DCAF4L1: variants seen among roughly 807,000 people sequenced by gnomAD.
DCAF4L1 encodes DDB1- and CUL4-associated factor 4-like protein 1.
Under a neutral mutation model 28.2 loss-of-function variants are expected in DCAF4L1, and 4 were observed. That is an observed-to-expected ratio of 0.14 (90% CI 0.07 to 0.33). The LOEUF is 0.33. DCAF4L1 is among the 10% of genes least tolerant of loss of function. The probability of loss-of-function intolerance (pLI) is 1.00; values close to 1 mark genes in which losing one functional copy is unlikely to be tolerated. For synonymous variants in DCAF4L1, 252 were observed against 212.1 expected, an observed-to-expected ratio of 1.19 and a Z score of -1.63; for missense variants, 331 against 506.1, an observed-to-expected ratio of 0.65 and a Z score of 3.32.
rs1194767733 is a variant in DCAF4L1 at position 41,986,411 on chromosome 4, C to T, written c.*3428C>T. On this transcript the variant is annotated 3_prime_UTR_variant, in exon 1 of 1. Transcript: ENST00000333141. ...TAGTGATAATTGTTAGAGCTATGCC[C>T]TTAATATATGTCTTGTGTGTATTAT... The T allele has an allele frequency of 6.0e-6, 1 of 166,952 alleles. No individual in the cohort carries two copies. Among genetic ancestry groups the T allele is most frequent in the African/African-American group, 2.4e-5 (1 of 41,422 alleles). 10.3% of individuals were successfully genotyped at this position (166,952 alleles called of 1,614,324 possible). A position where few individuals can be genotyped will look rare whatever the true frequency, so the allele number is the denominator to read the frequency against.
chr4:41,982,131 C>T lies in DCAF4L1; in HGVS notation c.339C>T (p.His113=), dbSNP rs777108280. Residue 113 remains histidine (H), a synonymous_variant, in exon 1 of 1, where the codon CAC becomes CAT. Coordinates refer to ENST00000333141, the MANE Select transcript of DCAF4L1 (RefSeq NM_001029955.4). This position sits in a 1 kb window ranked among gnomAD's most constrained non-coding sequence, Gnocchi z 4.4. The part of the protein sequence containing the change: ...SLRTLKIPSF[H]VYVLRNLYVP... ...GAACTCTGAAGATCCCTTCGTTCCA[C>T]GTGTACGTGCTCAGAAACCTCTACG... The T allele has an allele frequency of 6.2e-7, 1 of 1,614,218 alleles. No homozygotes were observed. The highest frequency in any genetic ancestry group is 2.2e-5 in the East Asian group (1 of 44,882).
At position 41,982,424 on chromosome 4, in the gene DCAF4L1, C is replaced by T. The variant is rs745550571; in HGVS notation, c.632C>T (p.Thr211Ile). 24 of 1,614,224 alleles carry T rather than the reference C, an allele frequency of 1.5e-5. No individual in the cohort carries two copies. The highest frequency in any genetic ancestry group is 4.4e-5 in the South Asian group (4 of 91,086). Residue 211 changes from threonine (T) to isoleucine (I), a missense_variant, in exon 1 of 1, where the codon ACC (threonine) becomes ATC (isoleucine). By Grantham distance (89) the Thr-to-Ile change is moderately conservative. Transcript: ENST00000333141. The surrounding 1 kb of genome is among the most constrained non-coding windows in gnomAD (Gnocchi z 4.4). ...SAGLSQQVLL[T>I]SVATGHQQSF... ...GGCTTGTCTCAGCAGGTCCTGTTGA[C>T]CAGCGTGGCGACGGGACACCAGCAG...
rs1253417345 is a variant in DCAF4L1 at position 41,982,432 on chromosome 4, G to C, written c.640G>C (p.Ala214Pro). The C allele has an allele frequency of 6.2e-7, 1 of 1,614,230 alleles. No individual in the cohort carries two copies. Among genetic ancestry groups the C allele is most frequent in the Admixed American group, 1.7e-5 (1 of 60,028 alleles). ...TCAGCAGGTCCTGTTGACCAGCGTG[G>C]CGACGGGACACCAGCAGTCATTTGA... The part of the protein sequence containing the change: ...LSQQVLLTSV[A>P]TGHQQSFDTS... The change falls in exon 1 of 1, where the codon GCG becomes CCG. Residue 214 changes from alanine to proline, a missense_variant. Coordinates refer to ENST00000333141, the MANE Select transcript of DCAF4L1 (RefSeq NM_001029955.4). This position sits in a 1 kb window ranked among gnomAD's most constrained non-coding sequence, Gnocchi z 4.4.
Position 41,982,074 on chromosome 4 carries a change from C to T in DCAF4L1, c.282C>T (p.Val94=), listed in dbSNP as rs148733297. ...TCTTCGTAGTGAACCAGGTCGAAGT[C>T]GAAGGCTCCAAGTACGGCATCATCA... ...DQLFVVNQVE[V]EGSKYGIISL... is the part of the protein sequence containing the mutation. Residue 94 remains valine (V), a synonymous_variant, in exon 1 of 1, where the codon GTC becomes GTT. Transcript: ENST00000333141. The surrounding 1 kb of genome is among the most constrained non-coding windows in gnomAD (Gnocchi z 4.4). 2 of 1,614,056 alleles carry T rather than the reference C, an allele frequency of 1.2e-6. No individual in the cohort carries two copies. Among genetic ancestry groups the T allele is most frequent in the Non-Finnish European group, 1.7e-6 (2 of 1,180,044 alleles).
At position 41,983,029 on chromosome 4, in the gene DCAF4L1, G is replaced by T. The variant is rs529091462; in HGVS notation, c.*46G>T. 1 of 1,501,456 alleles carries T rather than the reference G, an allele frequency of 6.7e-7. No homozygotes were observed. Among genetic ancestry groups the T allele is most frequent in the African/African-American group, 1.4e-5 (1 of 72,182 alleles). The allele number at this position is 1,501,456 out of a possible 1,614,324, so 93.0% of individuals were successfully genotyped here. A position where few individuals can be genotyped will look rare whatever the true frequency, so the allele number is the denominator to read the frequency against. ...CCGAATGTGGATTTGACTTAAGGAA[G>T]TTAAGAGTATCTTATTACCGTTTCT... On this transcript the variant is annotated 3_prime_UTR_variant, in exon 1 of 1. Transcript: ENST00000333141.
rs1230426698 is a variant in DCAF4L1 at position 41,984,195 on chromosome 4, A to G, written c.*1212A>G. 6.0e-6 allele frequency: 1 copy of G among 166,638 alleles called. No individual in the cohort carries two copies. The highest frequency in any genetic ancestry group is 1.5e-5 in the Non-Finnish European group (1 of 68,116). 10.3% of individuals were successfully genotyped at this position (166,638 alleles called of 1,614,324 possible). On this transcript the variant is annotated 3_prime_UTR_variant, in exon 1 of 1. Transcript: ENST00000333141. ...TTATCTTGACACTTGATACATACGT[A>G]ATTCATATATCTATATGCTTCACGT... is the stretch of plus-strand genomic sequence containing the variant.
Position 41,984,255 on chromosome 4 carries a change from A to G in DCAF4L1, c.*1272A>G, listed in dbSNP as rs888597849. On this transcript the variant is annotated 3_prime_UTR_variant, in exon 1 of 1. Transcript: ENST00000333141. ...TTACTGTATATATGTTATTCCTCAA[A>G]AAATAAAAATAAGCAATTAGGACAC... 2 of 166,630 alleles carry G rather than the reference A, an allele frequency of 1.2e-5. No homozygotes were observed. The highest frequency in any genetic ancestry group is 4.8e-5 in the African/African-American group (2 of 41,418). The allele number at this position is 166,630 out of a possible 1,614,324, so 10.3% of individuals were successfully genotyped here.
chr4:41,982,970 T>TC lies in DCAF4L1; in HGVS notation c.1182dup (p.Phe395LeufsTer17). ...GCTGTCCGGCAGGACCTTTATTGTT[T>TC]CCCCTTCAGCTAATTCTGCAGGTGG... On this transcript the variant is annotated frameshift_variant, in exon 1 of 1. Coordinates refer to ENST00000333141, the MANE Select transcript of DCAF4L1 (RefSeq NM_001029955.4). LOFTEE classifies it high-confidence loss of function. The surrounding 1 kb of genome is among the most constrained non-coding windows in gnomAD (Gnocchi z 4.4). 6.2e-7 allele frequency: 1 copy of TC among 1,604,678 alleles called. No individual in the cohort carries two copies. Among genetic ancestry groups the TC allele is most frequent in the South Asian group, 1.1e-5 (1 of 89,842 alleles).
At position 41,982,759 on chromosome 4, in the gene DCAF4L1, C is replaced by T. The variant is rs1408483281; in HGVS notation, c.967C>T (p.His323Tyr). Residue 323 changes from histidine (H) to tyrosine (Y), a missense_variant, in exon 1 of 1, where the codon CAC (histidine) becomes TAC (tyrosine). By Grantham distance (83) the His-to-Tyr change is moderately conservative. Coordinates refer to ENST00000333141, the MANE Select transcript of DCAF4L1 (RefSeq NM_001029955.4). The surrounding 1 kb of genome is among the most constrained non-coding windows in gnomAD (Gnocchi z 4.4). Reference sequence around the variant, plus strand: ...GTCCGCCTATCTGCCCCTGCATGTGCACGAGGAAGAGGGAATCGTGGTGGC... The same window carrying T: ...GTCCGCCTATCTGCCCCTGCATGTGTACGAGGAAGAGGGAATCGTGGTGGC... Reference protein sequence around the residue: ...NESAYLPLHVHEEEGIVVAVG... With the variant: ...NESAYLPLHVYEEEGIVVAVG... The T allele has an allele frequency of 6.2e-7, 1 of 1,614,226 alleles. No homozygotes were observed. The highest frequency in any genetic ancestry group is 1.1e-5 in the South Asian group (1 of 91,090).
rs747458005 is a variant in DCAF4L1 at position 41,982,668 on chromosome 4, A to G, written c.876A>G (p.Gly292=). 4 of 1,614,112 alleles carry G rather than the reference A, an allele frequency of 2.5e-6. No homozygotes were observed. The highest frequency in any genetic ancestry group is 8.5e-7 in the Non-Finnish European group (1 of 1,180,046). ...GCCTGATGGCATCAGACATGACTGGAAAGATCAAGCTGTGGGATCTGAGGG... is the reference window on the plus strand; with the variant it reads ...GCCTGATGGCATCAGACATGACTGGGAAGATCAAGCTGTGGGATCTGAGGG... The part of the protein sequence containing the change: ...EQCLMASDMT[G]KIKLWDLRAT... Residue 292 remains glycine, a synonymous_variant, in exon 1 of 1, where the codon GGA becomes GGG. Coordinates refer to ENST00000333141, the MANE Select transcript of DCAF4L1 (RefSeq NM_001029955.4). This position sits in a 1 kb window ranked among gnomAD's most constrained non-coding sequence, Gnocchi z 4.4.
chr4:41,982,526 C>T lies in DCAF4L1; in HGVS notation c.734C>T (p.Ser245Phe), dbSNP rs1245025908. Residue 245 changes from serine to phenylalanine, a missense_variant, in exon 1 of 1, where the codon TCC (serine) becomes TTC (phenylalanine). Physicochemically the swap from Ser to Phe is radical, Grantham distance 155 (BLOSUM62 -2). Coordinates refer to ENST00000333141, the MANE Select transcript of DCAF4L1 (RefSeq NM_001029955.4). This position sits in a 1 kb window ranked among gnomAD's most constrained non-coding sequence, Gnocchi z 4.4. ...TAPLLFNGCRSGEIFAIDLRC... is the reference protein window; with the variant it reads ...TAPLLFNGCRFGEIFAIDLRC... Reference sequence around the variant, plus strand: ...CCTTTGCTGTTTAATGGCTGTCGCTCCGGGGAGATCTTTGCCATTGATCTG... The same window carrying T: ...CCTTTGCTGTTTAATGGCTGTCGCTTCGGGGAGATCTTTGCCATTGATCTG... 3 of 1,614,168 alleles carry T rather than the reference C, an allele frequency of 1.9e-6. No homozygotes were observed. Among genetic ancestry groups the T allele is most frequent in the Non-Finnish European group, 2.5e-6 (3 of 1,180,026 alleles).
chr4:41,983,931 A>C lies in DCAF4L1; in HGVS notation c.*948A>C, dbSNP rs1714072019. 6.0e-6 allele frequency: 1 copy of C among 166,124 alleles called. No homozygotes were observed. Among genetic ancestry groups the C allele is most frequent in the African/African-American group, 2.4e-5 (1 of 41,464 alleles). 10.3% of individuals were successfully genotyped at this position (166,124 alleles called of 1,614,324 possible). ...CGGATACTGCATAATAATAGAAAATAAGGCACACTTGCTATGTGAAACAGT... is the reference window on the plus strand; with the variant it reads ...CGGATACTGCATAATAATAGAAAATCAGGCACACTTGCTATGTGAAACAGT... On this transcript the variant is annotated 3_prime_UTR_variant, in exon 1 of 1. Coordinates refer to ENST00000333141, the MANE Select transcript of DCAF4L1 (RefSeq NM_001029955.4).
rs1714072780 is a variant in DCAF4L1 at position 41,983,963 on chromosome 4, C to T, written c.*980C>T. ...ACTTGCTATGTGAAACAGTATGGACCAATCTCAACATGTTGACTGAAATTA... is the reference window on the plus strand; with the variant it reads ...ACTTGCTATGTGAAACAGTATGGACTAATCTCAACATGTTGACTGAAATTA... On this transcript the variant is annotated 3_prime_UTR_variant, in exon 1 of 1. Transcript: ENST00000333141. 1 of 165,642 alleles carries T rather than the reference C, an allele frequency of 6.0e-6. No homozygotes were observed. Among genetic ancestry groups the T allele is most frequent in the African/African-American group, 2.4e-5 (1 of 41,406 alleles). The allele number at this position is 165,642 out of a possible 1,614,324, so 10.3% of individuals were successfully genotyped here.
chr4:41,982,988 G>T lies in DCAF4L1; in HGVS notation c.*5G>T, dbSNP rs1385935568. On this transcript the variant is annotated 3_prime_UTR_variant, in exon 1 of 1. Coordinates refer to ENST00000333141, the MANE Select transcript of DCAF4L1 (RefSeq NM_001029955.4). The surrounding 1 kb of genome is among the most constrained non-coding windows in gnomAD (Gnocchi z 4.4). ...TATTGTTTCCCCTTCAGCTAATTCT[G>T]CAGGTGGCAGCGCGGCCGAATGTGG... The T allele has an allele frequency of 6.3e-7, 1 of 1,591,998 alleles. No individual in the cohort carries two copies.
At position 41,983,100 on chromosome 4, in the gene DCAF4L1, C is replaced by T. The variant is rs779737425; in HGVS notation, c.*117C>T. The T allele has an allele frequency of 3.4e-6, 3 of 887,920 alleles. No individual in the cohort carries two copies. Among genetic ancestry groups the T allele is most frequent in the Non-Finnish European group, 3.4e-6 (2 of 583,224 alleles). The allele number at this position is 887,920 out of a possible 1,614,324, so 55.0% of individuals were successfully genotyped here. A position where few individuals can be genotyped will look rare whatever the true frequency, so the allele number is the denominator to read the frequency against. Reference sequence around the variant, plus strand: ...GTGTTGTATATAGATCGCATCCATCCGGCTGCCAGGGGTAAGGTGTTAAGA... The same window carrying T: ...GTGTTGTATATAGATCGCATCCATCTGGCTGCCAGGGGTAAGGTGTTAAGA... On this transcript the variant is annotated 3_prime_UTR_variant, in exon 1 of 1. Transcript: ENST00000333141.
Position 41,984,843 on chromosome 4 carries a change from G to C in DCAF4L1, c.*1860G>C, listed in dbSNP as rs556611082. On this transcript the variant is annotated 3_prime_UTR_variant, in exon 1 of 1. Coordinates refer to ENST00000333141, the MANE Select transcript of DCAF4L1 (RefSeq NM_001029955.4). The stretch of plus-strand genomic sequence containing the variant: ...TCAATAGAGAAGATATGGGAGTATG[G>C]TTAGGCACAGATTTTTGGAATCCTT... The C allele has an allele frequency of 6.0e-6, 1 of 167,156 alleles. No homozygotes were observed. Among genetic ancestry groups the C allele is most frequent in the Admixed American group, 6.5e-5 (1 of 15,294 alleles). The allele number at this position is 167,156 out of a possible 1,614,324, so 10.4% of individuals were successfully genotyped here.
Position 41,982,809 on chromosome 4 carries a change from A to G in DCAF4L1, c.1017A>G (p.Arg339=). 1.2e-6 allele frequency: 2 copies of G among 1,614,146 alleles called. No homozygotes were observed. The highest frequency in any genetic ancestry group is 8.5e-7 in the Non-Finnish European group (1 of 1,180,024). The change falls in exon 1 of 1, where the codon AGA becomes AGG. Residue 339 remains arginine, a synonymous_variant. Transcript: ENST00000333141. The surrounding 1 kb of genome is among the most constrained non-coding windows in gnomAD (Gnocchi z 4.4). ...VVAVGQDCYT[R]IWSLHDAHLL... Reference sequence around the variant, plus strand: ...CAGTGGGCCAGGACTGCTACACGAGAATCTGGAGCCTCCATGATGCCCACC... The same window carrying G: ...CAGTGGGCCAGGACTGCTACACGAGGATCTGGAGCCTCCATGATGCCCACC...
rs1201365577 is a variant in DCAF4L1 at position 41,984,271 on chromosome 4, A to G, written c.*1288A>G. The G allele has an allele frequency of 1.2e-5, 2 of 166,846 alleles. No homozygotes were observed. Among genetic ancestry groups the G allele is most frequent in the Non-Finnish European group, 2.9e-5 (2 of 68,124 alleles). The allele number at this position is 166,846 out of a possible 1,614,324, so 10.3% of individuals were successfully genotyped here. The stretch of plus-strand genomic sequence containing the variant: ...ATTCCTCAAAAAATAAAAATAAGCA[A>G]TTAGGACACTATTGTAGTTAGGCAA... On this transcript the variant is annotated 3_prime_UTR_variant, in exon 1 of 1. Transcript: ENST00000333141.
chr4:41,983,874 A>C lies in DCAF4L1; in HGVS notation c.*891A>C, dbSNP rs1340998948. 1.8e-5 allele frequency: 3 copies of C among 166,864 alleles called. No individual in the cohort carries two copies. Among genetic ancestry groups the C allele is most frequent in the African/African-American group, 7.2e-5 (3 of 41,458 alleles). The allele number at this position is 166,864 out of a possible 1,614,324, so 10.3% of individuals were successfully genotyped here. ...AGCCTGGAAATGATCTGAATTTCGA[A>C]AATGCTAAAATTCGTGATATAATCA... On this transcript the variant is annotated 3_prime_UTR_variant, in exon 1 of 1. Transcript: ENST00000333141.
Sources: allele counts gnomAD v4.1 joint callset, GRCh38; gene constraint gnomAD v4.1.1; non-coding constraint Gnocchi (gnomAD v3.1); transcripts MANE v1.5; gene names NCBI Gene and HGNC (gene_info 2026-07-23, HGNC 2026-07-21).